THSD7B: variants seen among roughly 807,000 people sequenced by gnomAD.
THSD7B encodes the protein thrombospondin type 1 domain containing 7B.
Under a neutral mutation model 213.6 loss-of-function variants are expected in THSD7B, and 138 were observed. The observed-to-expected ratio is 0.65, with a 90% CI of 0.56 to 0.74. THSD7B has a LOEUF of 0.74. Among genes scored for constraint, THSD7B ranks in the 30% least tolerant of loss-of-function variants. The probability of loss-of-function intolerance (pLI) is 0.00; values close to 1 mark genes in which losing one functional copy is unlikely to be tolerated. For synonymous variants in THSD7B, 742 were observed against 687.0 expected (o/e 1.08, Z -1.25); for missense variants, 1,931 against 1,991.5 (o/e 0.97, Z 0.58).
At chr2:137,404,466 TATATATATACACAC>T (rs1294878912) in intron 12 of THSD7B, among the ~76,000 whole-genome samples, 251 of 73,906 alleles carry the variant, frequency 3.4e-3, no homozygotes, top group African/African-American at 0.011. Context: ...TATATATATA[TATATATATACACAC>T]ACACACACAC....
rs560039724 is a variant in THSD7B at position 137,465,160 on chromosome 2, A to G, written c.3138+14137A>G. Among the ~76,000 whole-genome samples, 96 of 152,042 alleles carry G rather than the reference A, an allele frequency of 6.3e-4. 1 individual carries two copies. The highest frequency in any genetic ancestry group is 2.2e-3 in the African/African-American group (91 of 41,490). On this transcript the variant is annotated intron_variant, in intron 15 of 27. Transcript: ENST00000409968. ...CTTTTTTCTACCACTGCTACCAAGT[A>G]TAGTTTTGTTTGTCTGAAACTAGGA...
intron 3 of THSD7B, among the ~76,000 whole-genome samples, chr2:137,088,038 G>A (rs920890862): frequency 6.6e-6 from 1 of 151,968 alleles, no homozygotes; most frequent in African/African-American, 2.4e-5. Flanking sequence ...TCAGGAGTTC[G>A]ATACCAGCCT....
intron 12 of THSD7B, among the ~76,000 whole-genome samples, chr2:137,323,477 T>C (rs1684306185): frequency 6.6e-6 from 1 of 152,220 alleles, no homozygotes; most frequent in Non-Finnish European, 1.5e-5. Flanking sequence ...CATAAGATGC[T>C]CTTTTATTTC....
chr2:137,073,951 A>G (rs1687558758), intron 3 of THSD7B, among the ~76,000 whole-genome samples: 1 of 152,136 alleles, frequency 6.6e-6, no homozygotes, highest in African/African-American at 2.4e-5. Context: ...TCTGAGAGAC[A>G]GTTTGTTATA....
chr2:137,152,755 A>T (rs1444044441), intron 5 of THSD7B, among the ~76,000 whole-genome samples: 2 of 152,208 alleles, frequency 1.3e-5, no homozygotes, highest in Non-Finnish European at 2.9e-5. Context: ...TAAGTTACAA[A>T]GTGCTGGGTG....
intron 5 of THSD7B, among the ~76,000 whole-genome samples, chr2:137,133,226 T>C (rs1335532596): frequency 2.0e-5 from 3 of 152,198 alleles, no homozygotes; most frequent in Non-Finnish European, 4.4e-5. Context: ...TCACCTAAAA[T>C]TCCTCATGTA....
intron 1 of THSD7B, among the ~76,000 whole-genome samples, chr2:136,813,718 G>A (rs1028291805): frequency 3.3e-5 from 5 of 151,962 alleles, no homozygotes; most frequent in East Asian, 3.9e-4. Context: ...GAAGCACAGC[G>A]TGAAATAACT....
intron 12 of THSD7B, among the ~76,000 whole-genome samples, chr2:137,283,349 A>AATAGGG (rs1683083143): frequency 6.6e-6 from 1 of 151,060 alleles, no homozygotes. Context: ...GTCATCTGCA[A>AATAGGG]ACAATTTGAC....
intron 15 of THSD7B, among the ~76,000 whole-genome samples, chr2:137,543,985 AGTAATT>A (rs1680653513): frequency 6.6e-6 from 1 of 151,820 alleles, no homozygotes; most frequent in Non-Finnish European, 1.5e-5. Context: ...GAAGATGTTG[AGTAATT>A]GTAATCATCA....
intron 17 of THSD7B, among the ~76,000 whole-genome samples, chr2:137,609,804 C>T (rs922345257): frequency 6.6e-6 from 1 of 152,088 alleles, no homozygotes; most frequent in Admixed American, 6.6e-5. Flanking sequence ...ATTGGAGTCA[C>T]TTATTAGGTT....
chr2:137,568,823 G>A (rs1681293575), intron 16 of THSD7B, among the ~76,000 whole-genome samples: 1 of 152,166 alleles, frequency 6.6e-6, no homozygotes, highest in South Asian at 2.1e-4. Flanking sequence ...AGATTTGGGT[G>A]GGGACACCAA....
chr2:137,381,554 G>A (rs1685776255), intron 12 of THSD7B, among the ~76,000 whole-genome samples: 1 of 152,172 alleles, frequency 6.6e-6, no homozygotes, highest in African/African-American at 2.4e-5. Context: ...AGGCCTGGAG[G>A]TCATCAGCAG....
chr2:137,547,923 CT>C (rs1473427868), intron 15 of THSD7B, among the ~76,000 whole-genome samples: 3 of 152,016 alleles, frequency 2.0e-5, no homozygotes, highest in African/African-American at 7.2e-5. Context: ...CAGTTATGGG[CT>C]TTCCTTTTGG....
In THSD7B at chr2:137,007,569, G is replaced by A. The variant is rs897171990; in HGVS notation, c.140-48851G>A. Among the ~76,000 whole-genome samples the A allele has an allele frequency of 7.9e-5, 12 of 152,194 alleles. No individual in the cohort carries two copies. The East Asian group carries it at 2.3e-3, about 29-fold the overall frequency. ...GAAGATGGCTTGTAAAATTTGAATT[G>A]GTGAGTGATAAATGAAGTTTCTGGC... On this transcript the variant is annotated intron_variant, in intron 2 of 27. Transcript: ENST00000409968.
At chr2:136,814,143 A>G (rs1415594009) in intron 1 of THSD7B, among the ~76,000 whole-genome samples, 1 of 152,182 alleles carries the variant, frequency 6.6e-6, no homozygotes, top group Non-Finnish European at 1.5e-5. Flanking sequence ...TAATTATTGA[A>G]TAATCATTAC....
At chr2:136,959,634 A>G (rs1226542605) in intron 2 of THSD7B, among the ~76,000 whole-genome samples, 2 of 152,204 alleles carry the variant, frequency 1.3e-5, no homozygotes, top group African/African-American at 4.8e-5. Flanking sequence ...CTTCAAACTA[A>G]TTAAAGCCAT....
intron 12 of THSD7B, among the ~76,000 whole-genome samples, chr2:137,341,912 C>T (rs1684770452): frequency 6.6e-6 from 1 of 151,400 alleles, no homozygotes; most frequent in Non-Finnish European, 1.5e-5. Context: ...GTTATACCTC[C>T]AGCTGTTTTT....
At chr2:137,399,624 T>G (rs527945959) in intron 12 of THSD7B, among the ~76,000 whole-genome samples, 2 of 152,192 alleles carry the variant, frequency 1.3e-5, no homozygotes, top group Non-Finnish European at 2.9e-5. Flanking sequence ...CTTTAAAAAT[T>G]CTTTTCTTCT....
At chr2:137,153,144 TC>T (rs1679849699) in intron 5 of THSD7B, among the ~76,000 whole-genome samples, 1 of 152,190 alleles carries the variant, frequency 6.6e-6, no homozygotes, top group African/African-American at 2.4e-5. Flanking sequence ...TATATTTTTT[TC>T]CTTAATTATG....
Sources: allele counts gnomAD v4.1 joint callset (sites outside exome capture counted in the v4.1 genomes callset), GRCh38; gene constraint gnomAD v4.1.1; transcripts MANE v1.5; gene names NCBI Gene and HGNC (gene_info 2026-07-23, HGNC 2026-07-21).